The following BTBD9 variants were observed in gnomAD, a reference collection of about 807,000 sequenced individuals.
BTBD9 encodes the protein BTB/POZ domain-containing protein 9.
Under a neutral mutation model 64.3 loss-of-function variants are expected in BTBD9, and 49 were observed. That is an observed-to-expected ratio of 0.76 (90% confidence interval 0.61 to 0.97). The LOEUF is 0.97. Among genes scored for constraint, BTBD9 ranks in the 50% least tolerant of loss-of-function variants. BTBD9 has a pLI of 0.00. For missense variants in BTBD9, 598 were observed against 762.1 expected (o/e 0.78, Z 2.53); for synonymous variants, 260 against 274.7 (o/e 0.95, Z 0.53).
chr6:38,512,979 CAAGTACAG>C (rs1321610771), intron 6 of BTBD9, among the ~76,000 whole-genome samples: 2 of 152,114 alleles, frequency 1.3e-5, no homozygotes, highest in East Asian at 3.8e-4. Context: ...GCTATGCTAA[CAAGTACAG>C]AGGTTCTTAA....
At chr6:38,387,923 T>C (rs148586240) in intron 6 of BTBD9, among the ~76,000 whole-genome samples, 53 of 152,306 alleles carry the variant, frequency 3.5e-4, no homozygotes, top group Non-Finnish European at 6.0e-4. Flanking sequence ...CATTCTATGT[T>C]CTCAGAACTA....
chr6:38,371,541 G>A (rs1447156808), intron 6 of BTBD9, among the ~76,000 whole-genome samples: 1 of 152,280 alleles, frequency 6.6e-6, no homozygotes, highest in South Asian at 2.1e-4. Flanking sequence ...AGAGGCACAG[G>A]GTGAACGAGA....
rs554325978 is a variant in BTBD9, at chr6:38,299,630, T to C, written c.1265-11169A>G. On this transcript the variant is annotated intron_variant, in intron 7 of 10. Coordinates refer to ENST00000481247, the MANE Select transcript of BTBD9 (RefSeq NM_001099272.2). The stretch of plus-strand genomic sequence containing the variant: ...CAGTGATGATGAGCATTTTTTCATG[T>C]GTTTTTTGGCTGCATAAATATCTTC... Among the ~76,000 whole-genome samples the C allele has an allele frequency of 6.0e-3, 915 of 152,302 alleles. 12 individuals are homozygous for C. Among genetic ancestry groups the C allele is most frequent in the African/African-American group, 0.018 (759 of 41,576 alleles).
At chr6:38,331,974 G>A (rs2127581995) in intron 7 of BTBD9, among the ~76,000 whole-genome samples, 1 of 152,234 alleles carries the variant, frequency 6.6e-6, no homozygotes, top group Admixed American at 6.5e-5. Context: ...AAAAATATTT[G>A]CCAATTAAAC....
At chr6:38,300,988 C>T (rs201843435) in intron 7 of BTBD9, among the ~76,000 whole-genome samples, 3,930 of 152,204 alleles carry the variant, frequency 0.026, 125 homozygotes, top group East Asian at 0.082. Context: ...ATGATATTGG[C>T]TGTGGGTTTG....
intron 9 of BTBD9, among the ~76,000 whole-genome samples, chr6:38,202,452 T>C (rs1463308743): frequency 6.6e-5 from 10 of 151,936 alleles, no homozygotes; most frequent in African/African-American, 2.2e-4. Flanking sequence ...AAAGAGCCAG[T>C]ATAGCTAAAG....
At chr6:38,582,717 C>CTCTA (rs1776349251) in intron 4 of BTBD9, among the ~76,000 whole-genome samples, 1 of 152,178 alleles carries the variant, frequency 6.6e-6, no homozygotes, top group Admixed American at 6.5e-5. Flanking sequence ...AAGATTCAGG[C>CTCTA]TCTATCATTC....
chr6:38,353,520 T>C (rs1764605275), intron 6 of BTBD9, among the ~76,000 whole-genome samples: 1 of 152,198 alleles, frequency 6.6e-6, no homozygotes. Flanking sequence ...TATGTGCTAA[T>C]GTGAACAAAT....
At chr6:38,610,108 A>G (rs978276786) in intron 1 of BTBD9, among the ~76,000 whole-genome samples, 5 of 152,262 alleles carry the variant, frequency 3.3e-5, no homozygotes, top group Non-Finnish European at 5.9e-5. Flanking sequence ...GTTAGATTTC[A>G]TTAGTTGAAA....
At chr6:38,543,484 T>C (rs1226033913) in intron 6 of BTBD9, among the ~76,000 whole-genome samples, 1 of 152,222 alleles carries the variant, frequency 6.6e-6, no homozygotes, top group Non-Finnish European at 1.5e-5. Context: ...AACAATGCAC[T>C]ACAATAAGAG....
At chr6:38,202,620 G>A (rs1762506083) in intron 9 of BTBD9, among the ~76,000 whole-genome samples, 1 of 152,064 alleles carries the variant, frequency 6.6e-6, no homozygotes, top group South Asian at 2.1e-4. Flanking sequence ...CATATCTACA[G>A]CCAACTGATA....
At chr6:38,544,927 C>CAAAAAAAAAAAAAAAAAAAAAAA (rs58694810) in intron 6 of BTBD9, among the ~76,000 whole-genome samples, 2 of 48,284 alleles carry the variant, frequency 4.1e-5, no homozygotes, top group Non-Finnish European at 7.5e-5. Flanking sequence ...AACTACATCT[C>CAAAAAAAAAAAAAAAAAAAAAAA]AAAAAAAAAA....
At chr6:38,257,377 T>C (rs935483773) in intron 8 of BTBD9, among the ~76,000 whole-genome samples, 1 of 150,752 alleles carries the variant, frequency 6.6e-6, no homozygotes, top group Non-Finnish European at 1.5e-5. Context: ...TTAAATTTTA[T>C]GTAGAGTCAG....
At chr6:38,599,291 G>C (rs1777166864) in intron 1 of BTBD9, among the ~76,000 whole-genome samples, 4 of 152,052 alleles carry the variant, frequency 2.6e-5, no homozygotes, top group Non-Finnish European at 1.5e-5. Context: ...TGTACTTGCA[G>C]GTACTTAAAA....
chr6:38,298,411 G>A (rs1762244066), intron 7 of BTBD9, among the ~76,000 whole-genome samples: 2 of 152,090 alleles, frequency 1.3e-5, no homozygotes, highest in Admixed American at 1.3e-4. Context: ...TACTTATGGA[G>A]TACATGTGAT....
chr6:38,346,173 G>A (rs1278496779), intron 6 of BTBD9, among the ~76,000 whole-genome samples: 1 of 152,116 alleles, frequency 6.6e-6, no homozygotes, highest in East Asian at 1.9e-4. Flanking sequence ...CTTCAATTTA[G>A]ACGATATAAT....
At chr6:38,208,901 T>A (rs1263670924) in intron 9 of BTBD9, among the ~76,000 whole-genome samples, 4 of 152,186 alleles carry the variant, frequency 2.6e-5, no homozygotes, top group Non-Finnish European at 5.9e-5. Flanking sequence ...AAAACCGTGT[T>A]AGGAGCTATG....
intron 6 of BTBD9, among the ~76,000 whole-genome samples, chr6:38,543,351 C>T (rs1339144975): frequency 1.3e-5 from 2 of 152,180 alleles, no homozygotes; most frequent in South Asian, 2.1e-4. Context: ...ACCTTGCTTA[C>T]TGATTTATTT....
At position 38,494,815 on chromosome 6, in the gene BTBD9, C is replaced by T. The variant is rs559462948; in HGVS notation, c.1154+82785G>A. The stretch of plus-strand genomic sequence containing the variant: ...TCCCTTAGGCCAATCTAAAATACTC[C>T]TATTCTTGAAAAGACATTGATTTCT... On this transcript the variant is annotated intron_variant, in intron 6 of 10. Coordinates refer to ENST00000481247, the MANE Select transcript of BTBD9 (RefSeq NM_001099272.2). Among the ~76,000 whole-genome samples the T allele has an allele frequency of 2.0e-5, 3 of 152,298 alleles. No individual in the cohort carries two copies. The South Asian group carries it at 6.2e-4, about 32-fold the overall frequency.
Sources: gnomAD v4.1 joint callset for allele counts (sites outside exome capture counted in the v4.1 genomes callset) on GRCh38, gnomAD v4.1.1 for gene constraint, MANE v1.5 for transcripts, NCBI Gene and HGNC (gene_info 2026-07-23, HGNC 2026-07-21) for gene names.